Variants in DRAXIN observed in about 807,000 individuals in gnomAD.
DRAXIN encodes dorsal inhibitory axon guidance protein.
Under a neutral mutation model 33.9 loss-of-function variants are expected in DRAXIN, and 27 were observed. The ratio of observed to expected loss-of-function variants is 0.80; its 90% confidence interval spans 0.59 to 1.10. The LOEUF (loss-of-function observed/expected upper bound fraction) is 1.10. Ranked by LOEUF, DRAXIN falls within the 50% of genes least tolerant of loss-of-function variation. The pLI, the probability that DRAXIN is intolerant of heterozygous loss-of-function variation, is 0.00. For synonymous variants in DRAXIN, 178 were observed against 194.0 expected (o/e 0.92, Z 0.69); for missense variants, 371 against 460.8 (o/e 0.81, Z 1.78).
At chr1:11,700,846 G>C (rs1641262442) in intron 1 of DRAXIN, among the ~76,000 whole-genome samples, 1 of 152,206 alleles carries the variant, frequency 6.6e-6, no homozygotes, top group South Asian at 2.1e-4. Flanking sequence ...TATGCAACAG[G>C]AAGGCCGATC....
rs1422204174 is a variant in DRAXIN at position 11,692,039 on chromosome 1, C to T, written c.-11+186C>T. ...CTATCCGCCAGTCCTTCCGCCGCCT[C>T]CTCTCCTCGCCGCGTCTGCCCACGG... On this transcript the variant is annotated intron_variant, in intron 1 of 6. Transcript: ENST00000294485. The surrounding 1 kb of genome is among the most constrained non-coding windows in gnomAD (Gnocchi z 5.8). Among the ~76,000 whole-genome samples the T allele has an allele frequency of 2.6e-5, 4 of 152,082 alleles. No individual in the cohort carries two copies.
Position 11,706,918 on chromosome 1 carries a change from A to G in DRAXIN, c.451+209A>G, listed in dbSNP as rs896145104. Among the ~76,000 whole-genome samples the G allele has an allele frequency of 6.6e-6, 1 of 152,050 alleles. No homozygotes were observed. The highest frequency in any genetic ancestry group is 1.5e-5 in the Non-Finnish European group (1 of 68,002). ...GAGGAGAGGGATGTGTTGCAATACA[A>G]TCTGTCTTATCGCGGCCCGGTGCCG... is the stretch of plus-strand genomic sequence containing the variant. On this transcript the variant is annotated intron_variant, in intron 2 of 6. Coordinates refer to ENST00000294485, the MANE Select transcript of DRAXIN (RefSeq NM_198545.4). This position sits in a 1 kb window ranked among gnomAD's most constrained non-coding sequence, Gnocchi z 5.5.
intron 4 of DRAXIN, 121 bp from the exon 5 acceptor site, chr1:11,712,219 C>G: frequency 8.5e-7 from 1 of 1,173,428 alleles, no homozygotes; most frequent in Non-Finnish European, 1.3e-6. Context: ...TTAGGTCCAA[C>G]AGTGCCTTGT....
Position 11,706,871 on chromosome 1 carries a change from G to A in DRAXIN, c.451+162G>A, listed in dbSNP as rs959932905. ...TGGTAAGGGGAGGAGGCTGGGAGAG[G>A]CCTGGGGTTGGGGCATGGGAAGAGG... is the stretch of plus-strand genomic sequence containing the variant. On this transcript the variant is annotated intron_variant, in intron 2 of 6. Coordinates refer to ENST00000294485, the MANE Select transcript of DRAXIN (RefSeq NM_198545.4). This position sits in a 1 kb window ranked among gnomAD's most constrained non-coding sequence, Gnocchi z 5.5. Among the ~76,000 whole-genome samples the A allele has an allele frequency of 6.6e-6, 1 of 152,136 alleles. No homozygotes were observed. The highest frequency in any genetic ancestry group is 1.5e-5 in the Non-Finnish European group (1 of 68,014).
At chr1:11,719,549 C>G in intron 6 of DRAXIN, 35 bp from the exon 7 acceptor site, 1 of 1,563,322 alleles carries the variant, frequency 6.4e-7, no homozygotes, top group Non-Finnish European at 8.7e-7. Flanking sequence ...ACGGGCCCTT[C>G]GCGCCTCTGA....
At chr1:11,712,086 G>T (rs1286382966) in intron 4 of DRAXIN, 121 bp downstream of exon 4, 1 of 1,003,396 alleles carries the variant, frequency 1.0e-6, no homozygotes, top group Non-Finnish European at 1.5e-6. Context: ...TGGGATGTGG[G>T]GAGAGGGGGA....
upstream of DRAXIN, among the ~76,000 whole-genome samples, chr1:11,687,280 C>G (rs35468530): frequency 0.17 from 25,256 of 152,104 alleles, 3,347 homozygotes; most frequent in African/African-American, 0.37. The surrounding 1 kb of genome is among the most constrained non-coding windows in gnomAD (Gnocchi z 4.1). Flanking sequence ...CTCTCTGCCA[C>G]CCAGGCTGGA....
chr1:11,715,658 G>T (rs190402583), intron 6 of DRAXIN, among the ~76,000 whole-genome samples: 4 of 152,284 alleles, frequency 2.6e-5, no homozygotes, highest in Admixed American at 2.6e-4. Context: ...TCCCAGGGAA[G>T]GATGCACTTG....
At chr1:11,715,240 C>A in intron 6 of DRAXIN, 32 bp downstream of exon 6, 1 of 1,613,362 alleles carries the variant, frequency 6.2e-7, no homozygotes, top group Non-Finnish European at 8.5e-7. Context: ...GGGGGCTACC[C>A]ATGCTCTGAG....
rs1641438261 is a variant in DRAXIN at position 11,709,312 on chromosome 1, G to A, written c.489G>A (p.Lys163=). 1.2e-6 allele frequency: 2 copies of A among 1,613,664 alleles called. No homozygotes were observed. Among genetic ancestry groups the A allele is most frequent in the Non-Finnish European group, 8.5e-7 (1 of 1,179,784 alleles). ...ALVRGPSSLM[K]KAELSEAQVL... is the part of the protein sequence containing the mutation. ...TCCGAGGTCCCAGCTCCCTGATGAA[G>A]AAGGCAGAGCTCTCCGAAGCCCAGG... Residue 163 remains lysine (K), a synonymous_variant, in exon 3 of 7, where the codon AAG becomes AAA. Transcript: ENST00000294485.
At chr1:11,689,274 C>T (rs1339108369), upstream of DRAXIN, among the ~76,000 whole-genome samples, 2 of 82,406 alleles carry the variant, frequency 2.4e-5, no homozygotes, top group Admixed American at 2.0e-4. Flanking sequence ...GCCTGGGCAA[C>T]AAAGTGAGAC....
At chr1:11,688,587 C>A (rs1232217910), upstream of DRAXIN, among the ~76,000 whole-genome samples, 2 of 151,822 alleles carry the variant, frequency 1.3e-5, no homozygotes, top group Non-Finnish European at 2.9e-5. This position sits in a 1 kb window ranked among gnomAD's most constrained non-coding sequence, Gnocchi z 4.6. Flanking sequence ...AAGCAATCAG[C>A]AAACCTGCTA....
chr1:11,713,671 G>A (rs977283904), intron 5 of DRAXIN, among the ~76,000 whole-genome samples: 4 of 152,014 alleles, frequency 2.6e-5, no homozygotes, highest in African/African-American at 7.3e-5. Flanking sequence ...GGAGGATCCC[G>A]TGAGCCCAGG....
At chr1:11,698,256 T>A (rs1322889471) in intron 1 of DRAXIN, among the ~76,000 whole-genome samples, 1 of 152,180 alleles carries the variant, frequency 6.6e-6, no homozygotes, top group Non-Finnish European at 1.5e-5. Context: ...TAATTTAGAA[T>A]CCATACAGTT....
chr1:11,708,208 A>T lies in DRAXIN; in HGVS notation c.452-1067A>T, dbSNP rs534290568. The stretch of plus-strand genomic sequence containing the variant: ...CGTCCTGCTGGGCTCCGGCTCCGCC[A>T]GCTCCAGGGCTGCAGCCAGGCCTCC... On this transcript the variant is annotated intron_variant, in intron 2 of 6. Coordinates refer to ENST00000294485, the MANE Select transcript of DRAXIN (RefSeq NM_198545.4). Among the ~76,000 whole-genome samples, 5 of 152,342 alleles carry T rather than the reference A, an allele frequency of 3.3e-5. No homozygotes were observed. In the South Asian group the frequency reaches 1.0e-3, roughly 32 times the overall value.
At position 11,692,050 on chromosome 1, in the gene DRAXIN, C is replaced by T. The variant is rs1011691324; in HGVS notation, c.-11+197C>T. On this transcript the variant is annotated intron_variant, in intron 1 of 6. Coordinates refer to ENST00000294485, the MANE Select transcript of DRAXIN (RefSeq NM_198545.4). This position sits in a 1 kb window ranked among gnomAD's most constrained non-coding sequence, Gnocchi z 5.8. ...TCCTTCCGCCGCCTCCTCTCCTCGC[C>T]GCGTCTGCCCACGGACCCTGGCTCT... is the stretch of plus-strand genomic sequence containing the variant. 6.6e-6 allele frequency among the ~76,000 whole-genome samples: 1 copy of T among 152,098 alleles called. No individual in the cohort carries two copies. Among genetic ancestry groups the T allele is most frequent in the African/African-American group, 2.4e-5 (1 of 41,426 alleles).
At position 11,706,309 on chromosome 1, in the gene DRAXIN, G is replaced by A. The variant is rs1204624020; in HGVS notation, c.51G>A (p.Leu17=). ...HTAPMLFLVL[L]LPLELSLAGA... is the part of the protein sequence containing the mutation. ...CTCCCATGCTGTTCCTCGTCCTCCT[G>A]CTGCCCCTGGAGCTGAGCCTGGCAG... Residue 17 remains leucine (L), a synonymous_variant, in exon 2 of 7, where the codon CTG becomes CTA. Transcript: ENST00000294485. The surrounding 1 kb of genome is among the most constrained non-coding windows in gnomAD (Gnocchi z 5.5). 6.2e-7 allele frequency: 1 copy of A among 1,613,144 alleles called. No individual in the cohort carries two copies. Among genetic ancestry groups the A allele is most frequent in the Non-Finnish European group, 8.5e-7 (1 of 1,179,776 alleles).
chr1:11,701,224 AGG>A (rs1641269259), intron 1 of DRAXIN, among the ~76,000 whole-genome samples: 1 of 152,118 alleles, frequency 6.6e-6, no homozygotes, highest in Non-Finnish European at 1.5e-5. Flanking sequence ...TGCGTGAGGG[AGG>A]CAGGTGGCCC....
chr1:11,715,070 G>A (rs1641554705), intron 5 of DRAXIN, 49 bp from the exon 6 acceptor site: 1 of 1,601,350 alleles, frequency 6.2e-7, no homozygotes, highest in Non-Finnish European at 8.6e-7. Context: ...AGGGCTGCGG[G>A]GAGGGGCGGC....
Sources: allele counts gnomAD v4.1 joint callset (sites outside exome capture counted in the v4.1 genomes callset), GRCh38; gene constraint gnomAD v4.1.1; non-coding constraint Gnocchi (gnomAD v3.1); transcripts MANE v1.5; gene names NCBI Gene and HGNC (gene_info 2026-07-23, HGNC 2026-07-21).